The following SH3BP5 variants were observed in gnomAD, a reference collection of about 807,000 sequenced individuals.
SH3BP5 encodes SH3 domain-binding protein 5.
In SH3BP5, 22 loss-of-function variants were observed where a neutral mutation model predicts 43.3. That is an observed-to-expected ratio of 0.51 (90% CI 0.36 to 0.73). The LOEUF is 0.73. Among genes scored for constraint, SH3BP5 ranks in the 30% least tolerant of loss-of-function variants. The pLI is 0.00. For missense variants in SH3BP5, 529 were observed against 586.9 expected (o/e 0.90, Z 1.02); for synonymous variants, 255 against 225.8 (o/e 1.13, Z -1.16).
intron 2 of SH3BP5, among the ~76,000 whole-genome samples, chr3:15,322,031 C>G (rs1466148399): frequency 6.6e-6 from 1 of 151,862 alleles, no homozygotes; most frequent in Non-Finnish European, 1.5e-5. Context: ...ATAGTGAAAC[C>G]CCGTCTCTAC....
chr3:15,336,451 G>A (rs185812120), upstream of SH3BP5, among the ~76,000 whole-genome samples: 21 of 152,288 alleles, frequency 1.4e-4, no homozygotes, highest in African/African-American at 4.3e-4. Flanking sequence ...GGACATTGAG[G>A]AGCTAGGGTC....
intron 2 of SH3BP5, among the ~76,000 whole-genome samples, chr3:15,316,982 G>A (rs1408324569): frequency 6.6e-6 from 1 of 152,242 alleles, no homozygotes; most frequent in Admixed American, 6.5e-5. Context: ...TTGTGTAAGA[G>A]GATATAGAAA....
In SH3BP5 at chr3:15,283,913, C is replaced by G. The variant is rs973091609; in HGVS notation, c.331-14036G>C. 3.3e-5 allele frequency among the ~76,000 whole-genome samples: 5 copies of G among 152,220 alleles called. No homozygotes were observed. The East Asian group carries it at 9.6e-4, about 29-fold the overall frequency. ...TGAAGCCACAGAGTCCAGCCCATAG[C>G]CCTGCTTAGAAGTATTGTCAGACCC... On this transcript the variant is annotated intron_variant, in intron 3 of 8. Coordinates refer to ENST00000383791, the MANE Select transcript of SH3BP5 (RefSeq NM_004844.5).
intron 4 of SH3BP5, among the ~76,000 whole-genome samples, chr3:15,269,416 G>A (rs1455086758): frequency 4.6e-5 from 7 of 152,110 alleles, no homozygotes; most frequent in Admixed American, 2.0e-4. Context: ...GGAAAACCTC[G>A]TCCCTCTGGA....
chr3:15,287,887 C>T (rs950484049), intron 3 of SH3BP5, among the ~76,000 whole-genome samples: 6 of 152,156 alleles, frequency 3.9e-5, no homozygotes, highest in South Asian at 2.1e-4. Context: ...AAGCTTTGTG[C>T]GCTGTGGTCA....
chr3:15,269,141 T>A (rs1218553452), intron 4 of SH3BP5, among the ~76,000 whole-genome samples: 1 of 152,064 alleles, frequency 6.6e-6, no homozygotes, highest in African/African-American at 2.4e-5. Context: ...GAACCCAATA[T>A]AATGACATAA....
At chr3:15,332,647 C>T (rs1343864590), upstream of SH3BP5, 25 of 1,158,840 alleles carry the variant, frequency 2.2e-5, no homozygotes, top group South Asian at 4.2e-5. Flanking sequence ...GCTCCGCCCC[C>T]GTCCCGCCCC....
At chr3:15,262,517 C>G (rs1298568838) in intron 4 of SH3BP5, among the ~76,000 whole-genome samples, 1 of 152,074 alleles carries the variant, frequency 6.6e-6, no homozygotes, top group Non-Finnish European at 1.5e-5. Context: ...ATCAGCCGGG[C>G]CTGGTGGTGT....
upstream of SH3BP5, among the ~76,000 whole-genome samples, chr3:15,333,599 G>A (rs1575361442): frequency 6.6e-6 from 1 of 152,178 alleles, no homozygotes; most frequent in South Asian, 2.1e-4. Flanking sequence ...GAGGCCAGGA[G>A]TTCAACACCA....
rs140948224 is a variant in SH3BP5 at position 15,304,458 on chromosome 3, C to T, written c.202-227G>A. 5.9e-5 allele frequency among the ~76,000 whole-genome samples: 9 copies of T among 152,344 alleles called. No homozygotes were observed. In the East Asian group the frequency reaches 1.7e-3, roughly 29 times the overall value. On this transcript the variant is annotated intron_variant, in intron 2 of 8. Coordinates refer to ENST00000383791, the MANE Select transcript of SH3BP5 (RefSeq NM_004844.5). ...AGTGCAGTGTGGCGGCCACCAGCCA[C>T]GTGTGGCTACTGAGCACTTAAAACT... is the stretch of plus-strand genomic sequence containing the variant.
intron 3 of SH3BP5, among the ~76,000 whole-genome samples, chr3:15,303,774 C>A (rs151085563): frequency 1.3e-5 from 2 of 152,056 alleles, no homozygotes; most frequent in African/African-American, 4.8e-5. Flanking sequence ...GAGGCGAACG[C>A]GAGGCAGTAA....
rs1291117820 is a variant in SH3BP5, at chr3:15,255,450, C to T, written c.*636G>A. ...CATCCCCACTGGCATTCACCTTTCC[C>T]ACCCCAAAAAGTGCAGCTCATGGTA... On this transcript the variant is annotated 3_prime_UTR_variant, in exon 9 of 9. Coordinates refer to ENST00000383791, the MANE Select transcript of SH3BP5 (RefSeq NM_004844.5). 2 of 152,656 alleles carry T rather than the reference C, an allele frequency of 1.3e-5. No homozygotes were observed. The highest frequency in any genetic ancestry group is 1.5e-5 in the Non-Finnish European group (1 of 68,110). 9.5% of individuals were successfully genotyped at this position (152,656 alleles called of 1,614,324 possible).
At chr3:15,260,470 G>C (rs1172715178) in intron 5 of SH3BP5, 1 of 154,582 alleles carries the variant, frequency 6.5e-6, no homozygotes, top group African/African-American at 2.4e-5. Flanking sequence ...TTTGGTGCCT[G>C]AACATTAAGA....
rs931211252 is a variant in SH3BP5, at chr3:15,307,187, C to G, written c.202-2956G>C. 1.1e-4 allele frequency among the ~76,000 whole-genome samples: 17 copies of G among 152,282 alleles called. No individual in the cohort carries two copies. The East Asian group carries it at 2.5e-3, about 22-fold the overall frequency. On this transcript the variant is annotated intron_variant, in intron 2 of 8. Transcript: ENST00000383791. ...CCCATGTCCAACACAGGCTTTGCCC[C>G]CTTTCCCCTGGTTCTGTGCCATCAT...
At chr3:15,296,862 TAAAAAAAAAA>T (rs869130338) in intron 3 of SH3BP5, among the ~76,000 whole-genome samples, 2 of 123,162 alleles carry the variant, frequency 1.6e-5, no homozygotes, top group African/African-American at 6.1e-5. Flanking sequence ...TCTGGCTTCT[TAAAAAAAAAA>T]AAAAAAAAGA....
chr3:15,285,582 G>A (rs145765394), intron 3 of SH3BP5, among the ~76,000 whole-genome samples: 1 of 152,284 alleles, frequency 6.6e-6, no homozygotes, highest in African/African-American at 2.4e-5. Flanking sequence ...ACTGCCCAAC[G>A]CCATGAACAT....
chr3:15,258,064 T>A (rs1488371324), intron 7 of SH3BP5: 1 of 152,222 alleles, frequency 6.6e-6, no homozygotes, highest in African/African-American at 2.4e-5. Context: ...TCATACATAG[T>A]AGTTGTTCAA....
chr3:15,332,289 C>T lies in SH3BP5; in HGVS notation c.120G>A (p.Glu40=). 1 of 1,548,932 alleles carries T rather than the reference C, an allele frequency of 6.5e-7. No homozygotes were observed. Among genetic ancestry groups the T allele is most frequent in the Non-Finnish European group, 8.7e-7 (1 of 1,149,226 alleles). The change falls in exon 1 of 9, where the codon GAG becomes GAA. Residue 40 remains glutamate (E), a synonymous_variant. Coordinates refer to ENST00000383791, the MANE Select transcript of SH3BP5 (RefSeq NM_004844.5). ...GCCCTACCTGGATCCGGGGATCCACCTCTTCTTCCTCCTCCAGCCCCTGCT... is the reference window on the plus strand; with the variant it reads ...GCCCTACCTGGATCCGGGGATCCACTTCTTCTTCCTCCTCCAGCCCCTGCT... ...GMEQGLEEEE[E]VDPRIQGELE... is the part of the protein sequence containing the mutation.
chr3:15,316,441 T>C (rs1698187389), intron 2 of SH3BP5, among the ~76,000 whole-genome samples: 1 of 152,024 alleles, frequency 6.6e-6, no homozygotes, highest in South Asian at 2.1e-4. Context: ...GTCAGGCTGG[T>C]CTCGAACTCC....
Sources: allele counts gnomAD v4.1 joint callset (sites outside exome capture counted in the v4.1 genomes callset), GRCh38; gene constraint gnomAD v4.1.1; transcripts MANE v1.5; gene names NCBI Gene and HGNC (gene_info 2026-07-23, HGNC 2026-07-21).